The following DCAF1 variants were observed in gnomAD, a reference collection of about 807,000 sequenced individuals.
The protein encoded by DCAF1 is DDB1- and CUL4-associated factor 1.
Under a neutral mutation model 128.0 loss-of-function variants are expected in DCAF1, and 15 were observed. The observed-to-expected ratio is 0.12, with a 90% CI of 0.08 to 0.18. DCAF1 has a LOEUF of 0.18. DCAF1 is among the 10% of genes least tolerant of loss of function. The pLI, the probability that DCAF1 is intolerant of heterozygous loss-of-function variation, is 1.00. For synonymous variants in DCAF1, 610 were observed against 603.0 expected (o/e 1.01, Z -0.17); for missense variants, 988 against 1,649.5 (o/e 0.60, Z 6.95).
intron 6 of DCAF1, among the ~76,000 whole-genome samples, chr3:51,454,600 T>G (rs1335740956): frequency 6.6e-6 from 1 of 152,040 alleles, no homozygotes; most frequent in Non-Finnish European, 1.5e-5. Context: ...TGGCCTCAAG[T>G]GATCTACCTG....
chr3:51,458,232 A>C (rs1433926810), intron 6 of DCAF1, among the ~76,000 whole-genome samples: 23 of 152,196 alleles, frequency 1.5e-4, no homozygotes, highest in Non-Finnish European at 2.6e-4. Context: ...TACCAAGCAA[A>C]TGGAAAACAA....
At chr3:51,419,136 G>T (rs1699164626) in intron 15 of DCAF1, among the ~76,000 whole-genome samples, 1 of 152,070 alleles carries the variant, frequency 6.6e-6, no homozygotes, top group African/African-American at 2.4e-5. Flanking sequence ...CGAAGGGGGG[G>T]TATCAATTGA....
Position 51,483,754 on chromosome 3 carries a change from A to T in DCAF1, c.75T>A (p.His25Gln). Residue 25 changes from histidine (H) to glutamine (Q), a missense_variant, in exon 3 of 25, where the codon CAT becomes CAA. Transcript: ENST00000684031. Reference protein sequence around the residue: ...TTLLEQWEKEHGSGQDMVPIL... With the variant: ...TTLLEQWEKEQGSGQDMVPIL... ...TAGGTACCATGTCCTGCCCACTGCC[A>T]TGTTCCTTTTCCCACTGCTCCAGCA... 1 of 1,613,820 alleles carries T rather than the reference A, an allele frequency of 6.2e-7. No homozygotes were observed. Among genetic ancestry groups the T allele is most frequent in the Non-Finnish European group, 8.5e-7 (1 of 1,179,874 alleles).
intron 9 of DCAF1, among the ~76,000 whole-genome samples, chr3:51,433,616 C>T (rs1700566449): frequency 6.6e-6 from 1 of 151,538 alleles, no homozygotes; most frequent in Admixed American, 6.6e-5. Context: ...TACCCGCCAC[C>T]ACGTCCAGCT....
chr3:51,430,748 A>G (rs1276711706), intron 10 of DCAF1, among the ~76,000 whole-genome samples: 1 of 152,192 alleles, frequency 6.6e-6, no homozygotes, highest in African/African-American at 2.4e-5. Flanking sequence ...TTAGTTTATT[A>G]CTCCCAAAAG....
chr3:51,429,293 C>T lies in DCAF1; in HGVS notation c.1645G>A (p.Gly549Ser), dbSNP rs782341922. 1.3e-6 allele frequency: 1 copy of T among 780,068 alleles called. No homozygotes were observed. 48.3% of individuals were successfully genotyped at this position (780,068 alleles called of 1,614,324 possible). The change falls in exon 12 of 25, where the codon GGC (glycine) becomes AGC (serine). Residue 549 changes from glycine to serine, a missense_variant. Transcript: ENST00000684031. ...GGGGGTTGTGGGTGGACAAGAATGC[C>T]ACCCTCAGTCCTCTGAAGTGACTGC... is the stretch of plus-strand genomic sequence containing the variant. Reference protein sequence around the residue: ...VKQSLQRTEGGILVHPQPPYK... With the variant: ...VKQSLQRTEGSILVHPQPPYK...
At position 51,418,213 on chromosome 3, in the gene DCAF1, C is replaced by G; in HGVS notation, c.3436-15G>C. The G allele has an allele frequency of 6.2e-7, 1 of 1,602,446 alleles. No individual in the cohort carries two copies. The highest frequency in any genetic ancestry group is 1.1e-5 in the South Asian group (1 of 88,668). On this transcript the variant is annotated splice_polypyrimidine_tract_variant and intron_variant, in intron 16 of 24. Transcript: ENST00000684031. The stretch of plus-strand genomic sequence containing the variant: ...AAGGACCCATCCTAAAAGAAAAAGG[C>G]GCAAGGTGGGTAACCACGTATTTAC...
intron 20 of DCAF1, 60 bp downstream of exon 20, chr3:51,413,890 C>A: frequency 7.3e-7 from 1 of 1,367,364 alleles, no homozygotes; most frequent in Non-Finnish European, 9.5e-7. Context: ...AAAGAAGTAT[C>A]AAATTAAGTG....
rs782358516 is a variant in DCAF1, at chr3:51,430,053, G to C, written c.1447C>G (p.Leu483Val). Residue 483 changes from leucine (L) to valine (V), a missense_variant, in exon 11 of 25, where the codon CTT (leucine) becomes GTT (valine). Physicochemically the swap from Leu to Val is conservative, Grantham distance 32. Around this residue, in one of 11 missense-constraint regions of DCAF1, gnomAD observed 185 missense variants for 248.1 expected, o/e 0.75. Transcript: ENST00000684031. ...CTCACCAAGTTCACCAGACGACGAA[G>C]ACCATCATAGCGGTCAAAGAGCTCC... ...VLELFDRYDG[L>V]RRLVNLISTL... The C allele has an allele frequency of 2.6e-6, 2 of 780,490 alleles. No homozygotes were observed. Among genetic ancestry groups the C allele is most frequent in the Non-Finnish European group, 4.8e-6 (2 of 417,902 alleles). The allele number at this position is 780,490 out of a possible 1,614,324, so 48.3% of individuals were successfully genotyped here. A position where few individuals can be genotyped will look rare whatever the true frequency, so the allele number is the denominator to read the frequency against.
intron 18 of DCAF1, 33 bp downstream of exon 18, chr3:51,416,754 T>G (rs1444789396): frequency 6.3e-7 from 1 of 1,586,956 alleles, no homozygotes; most frequent in Non-Finnish European, 8.6e-7. Context: ...ATGGGTATGA[T>G]CAGCTTGAAA....
rs782267924 is a variant in DCAF1 at position 51,471,035 on chromosome 3, T to C, written c.111-30A>G. 7.3e-6 allele frequency: 11 copies of C among 1,508,638 alleles called. 1 individual carries two copies. The South Asian group carries it at 1.2e-4, about 17-fold the overall frequency. The allele number at this position is 1,508,638 out of a possible 1,614,324, so 93.5% of individuals were successfully genotyped here. ...CACAAAGGAAACAAGGGGTCAACTC[T>C]GGACAAGCATAAAAAAATGGACCAC... On this transcript the variant is annotated intron_variant, in intron 3 of 24. Transcript: ENST00000684031.
intron 13 of DCAF1, among the ~76,000 whole-genome samples, chr3:51,426,873 A>C (rs1370986657): frequency 6.6e-6 from 1 of 152,192 alleles, no homozygotes; most frequent in Admixed American, 6.5e-5. Context: ...GAACCTACCC[A>C]GTTTCCTGAT....
At chr3:51,457,829 G>A (rs1201883538) in intron 6 of DCAF1, among the ~76,000 whole-genome samples, 2 of 152,236 alleles carry the variant, frequency 1.3e-5, no homozygotes, top group Middle Eastern at 3.4e-3. Flanking sequence ...CATAAGTGAA[G>A]GAGAAATAAA....
intron 10 of DCAF1, among the ~76,000 whole-genome samples, chr3:51,431,811 A>T (rs1240593372): frequency 2.0e-5 from 3 of 150,654 alleles, no homozygotes; most frequent in South Asian, 4.2e-4. Flanking sequence ...AAAAAAAAAG[A>T]AGTACAAAAA....
intron 3 of DCAF1, among the ~76,000 whole-genome samples, chr3:51,472,609 T>C (rs1425321517): frequency 1.3e-5 from 2 of 152,094 alleles, no homozygotes; most frequent in African/African-American, 4.8e-5. Flanking sequence ...AACTTTCACC[T>C]AGCATGCTTT....
chr3:51,496,193 G>A (rs1242802159), intron 2 of DCAF1, among the ~76,000 whole-genome samples: 4 of 152,088 alleles, frequency 2.6e-5, no homozygotes, highest in African/African-American at 7.2e-5. Flanking sequence ...TTGGGAGGCC[G>A]AGGCCGGCAG....
At chr3:51,499,255 G>A (rs1041202959) in intron 1 of DCAF1, among the ~76,000 whole-genome samples, 3 of 152,266 alleles carry the variant, frequency 2.0e-5, no homozygotes, top group African/African-American at 7.2e-5. Context: ...GCACTCTGAG[G>A]TTTGACTCCA....
rs782150840 is a variant in DCAF1 at position 51,418,647 on chromosome 3, G to A, written c.3435+31C>T. 3.8e-6 allele frequency: 6 copies of A among 1,580,898 alleles called. No homozygotes were observed. The South Asian group carries it at 6.9e-5, about 18-fold the overall frequency. On this transcript the variant is annotated intron_variant, in intron 16 of 24. Coordinates refer to ENST00000684031, the MANE Select transcript of DCAF1 (RefSeq NM_001387579.1). The stretch of plus-strand genomic sequence containing the variant: ...GTTCACCAATTCATCTTGGAAGAAT[G>A]ACTGAGAGCATCCTAGGAAGGAACC...
chr3:51,499,598 C>T (rs1410857492), intron 1 of DCAF1, among the ~76,000 whole-genome samples: 13 of 151,766 alleles, frequency 8.6e-5, no homozygotes, highest in African/African-American at 2.9e-4. Flanking sequence ...CGCCCCCCCA[C>T]TCCGGGCGGA....
Sources: gnomAD v4.1 joint callset for allele counts (sites outside exome capture counted in the v4.1 genomes callset) on GRCh38, gnomAD v4.1.1 for gene constraint, gnomAD v4.1.1 regional missense constraint, MANE v1.5 for transcripts, NCBI Gene and HGNC (gene_info 2026-07-23, HGNC 2026-07-21) for gene names.